The following STT3A variants were observed in gnomAD, a reference collection of about 807,000 sequenced individuals.
The protein encoded by STT3A is STT3 oligosaccharyltransferase complex catalytic subunit A, also known as dolichyl-diphosphooligosaccharide--protein glycosyltransferase subunit STT3A.
A neutral mutation model predicts 89.2 loss-of-function variants in STT3A; 34 were observed. The ratio of observed to expected loss-of-function variants is 0.38; its 90% CI spans 0.29 to 0.51. The LOEUF (loss-of-function observed/expected upper bound fraction) is 0.51. Ranked by LOEUF, STT3A falls within the 20% of genes least tolerant of loss-of-function variation. The probability of loss-of-function intolerance (pLI) is 0.89; values close to 1 mark genes in which losing one functional copy is unlikely to be tolerated. For synonymous variants in STT3A, 282 were observed against 310.3 expected (o/e 0.91, Z 0.96); for missense variants, 555 against 889.5 (o/e 0.62, Z 4.78).
rs11220155 is a variant in STT3A, at chr11:125,611,726, G to A, written c.1209+207G>A. ...TGTGGGGTCCAACTTTCTTGGATTC[G>A]TAACTTTGTATTATAGAAGCATTTT... On this transcript the variant is annotated intron_variant, in intron 11 of 17. Transcript: ENST00000392708. Among the ~76,000 whole-genome samples the A allele has an allele frequency of 0.28, 42,699 of 151,870 alleles. 6,200 individuals carry two copies. Among genetic ancestry groups the A allele is most frequent in the East Asian group, 0.41 (2,091 of 5,158 alleles).
chr11:125,594,362 A>G (rs769365094), intron 1 of STT3A, among the ~76,000 whole-genome samples: 2 of 152,128 alleles, frequency 1.3e-5, no homozygotes, highest in Non-Finnish European at 2.9e-5. Context: ...TGGGCAGATC[A>G]TGAGGTCAAG....
intron 16 of STT3A, among the ~76,000 whole-genome samples, chr11:125,619,486 TTAC>T (rs1468796851): frequency 1.3e-5 from 2 of 152,198 alleles, no homozygotes; most frequent in Non-Finnish European, 1.5e-5. Context: ...CTTTTGACCG[TTAC>T]TTTTTATTGT....
At chr11:125,592,725 T>C (rs530119788), upstream of STT3A, 341 of 297,510 alleles carry the variant, frequency 1.1e-3, 7 homozygotes, top group South Asian at 8.2e-3. Flanking sequence ...AAAACTTGAA[T>C]CGCGGCCCGG....
chr11:125,597,246 A>ACCAGAGAGTTAAT, intron 3 of STT3A, 127 bp downstream of exon 3: 1 of 1,000,830 alleles, frequency 1.0e-6, no homozygotes, highest in Non-Finnish European at 1.5e-6. Flanking sequence ...AGGGAAAAAA[A>ACCAGAGAGTTAAT]AACCCTTAAA....
At chr11:125,602,634 ATTGAATCC>A in intron 4 of STT3A, 161 bp from the exon 5 acceptor site, 2 of 1,088,820 alleles carry the variant, frequency 1.8e-6, no homozygotes, top group South Asian at 3.3e-5. Context: ...TAGACTTCTG[ATTGAATCC>A]TTAGGGGAGA....
intron 2 of STT3A, among the ~76,000 whole-genome samples, chr11:125,596,846 A>G (rs749999482): frequency 1.3e-5 from 2 of 152,240 alleles, no homozygotes; most frequent in African/African-American, 4.8e-5. Flanking sequence ...ACTGTGACCT[A>G]TGAAAGTGGA....
At chr11:125,602,187 G>C in intron 3 of STT3A, 116 bp from the exon 4 acceptor site, 1 of 1,212,590 alleles carries the variant, frequency 8.2e-7, no homozygotes, top group Non-Finnish European at 1.2e-6. Flanking sequence ...GATTTTCATG[G>C]CATAATATCT....
chr11:125,604,060 T>G, intron 5 of STT3A, 97 bp from the exon 6 acceptor site: 1 of 1,285,014 alleles, frequency 7.8e-7, no homozygotes, highest in Non-Finnish European at 1.1e-6. Flanking sequence ...TTGGACTGTT[T>G]TCTGGGCTCA....
intron 15 of STT3A, among the ~76,000 whole-genome samples, chr11:125,616,274 T>G (rs1220515765): frequency 6.6e-6 from 1 of 152,222 alleles, no homozygotes; most frequent in African/African-American, 2.4e-5. Flanking sequence ...CACATTCTCT[T>G]ATATACTTTA....
chr11:125,612,687 A>T lies in STT3A; in HGVS notation c.1305A>T (p.Ile435=). 6.2e-7 allele frequency: 1 copy of T among 1,614,204 alleles called. No individual in the cohort carries two copies. Among genetic ancestry groups the T allele is most frequent in the South Asian group, 1.1e-5 (1 of 91,080 alleles). The change falls in exon 12 of 18, where the codon ATA becomes ATT. Residue 435 remains isoleucine, a synonymous_variant. Coordinates refer to ENST00000392708, the MANE Select transcript of STT3A (RefSeq NM_152713.5). The part of the protein sequence containing the change: ...VLSTYMKNLD[I]SRPDKKSKKQ... ...CCACATACATGAAGAATCTGGACAT[A>T]AGTCGTCCAGACAAGAAGAGCAAGA...
In STT3A at chr11:125,613,060, C is replaced by T; in HGVS notation, c.1437C>T (p.Thr479=). The T allele has an allele frequency of 1.2e-6, 2 of 1,614,036 alleles. No homozygotes were observed. The highest frequency in any genetic ancestry group is 1.7e-6 in the Non-Finnish European group (2 of 1,180,010). The part of the protein sequence containing the change: ...ITYTFHSTWV[T]SEAYSSPSIV... ...ACACCTTTCATTCAACCTGGGTGAC[C>T]AGTGAGGCCTACTCTTCTCCGTCCA... is the stretch of plus-strand genomic sequence containing the variant. Residue 479 remains threonine, a synonymous_variant, in exon 13 of 18, where the codon ACC becomes ACT. Coordinates refer to ENST00000392708, the MANE Select transcript of STT3A (RefSeq NM_152713.5). This position sits in a 1 kb window ranked among gnomAD's most constrained non-coding sequence, Gnocchi z 4.2.
Position 125,602,547 on chromosome 11 carries a change from C to T in STT3A, c.271+123C>T, listed in dbSNP as rs11822999. ...GACACTTGTAATTTCATCCTGATTA[C>T]AGGTTCCTAAAAGTGCATCTTACAT... On this transcript the variant is annotated intron_variant, in intron 4 of 17. Coordinates refer to ENST00000392708, the MANE Select transcript of STT3A (RefSeq NM_152713.5). 88,431 of 1,253,072 alleles carry T rather than the reference C, an allele frequency of 0.071. 4,126 individuals are homozygous for T. The highest frequency in any genetic ancestry group is 0.22 in the African/African-American group (14,560 of 65,240). 77.6% of individuals were successfully genotyped at this position (1,253,072 alleles called of 1,614,324 possible).
intron 10 of STT3A, chr11:125,609,852 A>T: frequency 2.5e-6 from 1 of 401,922 alleles, no homozygotes; most frequent in Non-Finnish European, 4.4e-6. Flanking sequence ...GGTAATTTTT[A>T]CTCCGGTTTT....
Position 125,620,863 on chromosome 11 carries a change from G to A in STT3A, c.*53G>A, listed in dbSNP as rs986706023. 17 of 1,179,880 alleles carry A rather than the reference G, an allele frequency of 1.4e-5. No homozygotes were observed. Among genetic ancestry groups the A allele is most frequent in the Admixed American group, 7.8e-5 (3 of 38,474 alleles). 73.1% of individuals were successfully genotyped at this position (1,179,880 alleles called of 1,614,324 possible). A position where few individuals can be genotyped will look rare whatever the true frequency, so the allele number is the denominator to read the frequency against. On this transcript the variant is annotated 3_prime_UTR_variant, in exon 18 of 18. Coordinates refer to ENST00000392708, the MANE Select transcript of STT3A (RefSeq NM_152713.5). Reference sequence around the variant, plus strand: ...GCACTGAGCACATCACATTTAGGACGTTGAAGATTTTTTTTTTTTTTTTTT... The same window carrying A: ...GCACTGAGCACATCACATTTAGGACATTGAAGATTTTTTTTTTTTTTTTTT...
chr11:125,608,440 G>A, intron 9 of STT3A, 151 bp downstream of exon 9: 1 of 750,908 alleles, frequency 1.3e-6, no homozygotes, highest in Non-Finnish European at 2.0e-6. Flanking sequence ...TCAGCCTCCT[G>A]AGTAGCTGGG....
chr11:125,604,341 G>A (rs1486351602), intron 6 of STT3A, 94 bp downstream of exon 6: 3 of 1,232,394 alleles, frequency 2.4e-6, no homozygotes, highest in Non-Finnish European at 2.3e-6. Flanking sequence ...TAATAAAAAT[G>A]GTAACTGGGT....
intron 15 of STT3A, among the ~76,000 whole-genome samples, chr11:125,616,953 T>C (rs540555): frequency 0.86 from 131,158 of 152,178 alleles, 56,624 homozygotes; most frequent in South Asian, 0.95. Context: ...GCTAGGATTA[T>C]AGGTGTGAGC....
chr11:125,597,263 C>A, intron 3 of STT3A, 144 bp downstream of exon 3: 1 of 838,564 alleles, frequency 1.2e-6, no homozygotes, highest in Non-Finnish European at 1.9e-6. Context: ...TAAATTCTTC[C>A]AAAGGAGATA....
At chr11:125,620,695 G>A in intron 17 of STT3A, 77 bp from the exon 18 acceptor site, 2 of 1,421,886 alleles carry the variant, frequency 1.4e-6, no homozygotes, top group African/African-American at 1.4e-5. Context: ...GCCCACTCTG[G>A]GTGAATCCAT....
Sources: gnomAD v4.1 joint callset for allele counts (sites outside exome capture counted in the v4.1 genomes callset) on GRCh38, gnomAD v4.1.1 for gene constraint, Gnocchi (gnomAD v3.1) non-coding constraint, MANE v1.5 for transcripts, NCBI Gene and HGNC (gene_info 2026-07-23, HGNC 2026-07-21) for gene names.